The following TNFSF10 variants were observed in gnomAD, a reference collection of about 807,000 sequenced individuals.
TNFSF10 encodes the protein TNF superfamily member 10, also known as tumor necrosis factor ligand superfamily member 10.
A neutral mutation model predicts 29.5 loss-of-function variants in TNFSF10; 13 were observed. That is an observed-to-expected ratio of 0.44 (90% confidence interval 0.29 to 0.70). The LOEUF is 0.70. TNFSF10 is among the 30% of genes least tolerant of loss of function. The pLI is 0.13. For missense variants in TNFSF10, 345 were observed against 330.9 expected, an observed-to-expected ratio of 1.04 and a Z score of -0.33; for synonymous variants, 111 against 112.8, an observed-to-expected ratio of 0.98 and a Z score of 0.10.
At chr3:172,520,500 C>G (rs1212277927) in intron 1 of TNFSF10, among the ~76,000 whole-genome samples, 3 of 152,234 alleles carry the variant, frequency 2.0e-5, no homozygotes, top group Admixed American at 2.0e-4. Flanking sequence ...TTCACCAGGA[C>G]TAGCTACATC....
rs1350274257 is a variant in TNFSF10, at chr3:172,514,842, A to G, written c.270+19T>C. 1 of 1,613,410 alleles carries G rather than the reference A, an allele frequency of 6.2e-7. No individual in the cohort carries two copies. Among genetic ancestry groups the G allele is most frequent in the Non-Finnish European group, 8.5e-7 (1 of 1,179,768 alleles). On this transcript the variant is annotated intron_variant, in intron 2 of 4. Transcript: ENST00000241261. ...GCCTTCTCCGCCTGCTGGTGAGGTCACCTGGTGAGGTTACCTACCTTTCTA... is the reference window on the plus strand; with the variant it reads ...GCCTTCTCCGCCTGCTGGTGAGGTCGCCTGGTGAGGTTACCTACCTTTCTA...
intron 1 of TNFSF10, among the ~76,000 whole-genome samples, chr3:172,516,263 C>CAAA (rs34276385): frequency 2.9e-4 from 36 of 124,444 alleles, no homozygotes; most frequent in African/African-American, 8.8e-4. Context: ...GACTCCATCT[C>CAAA]AAAAAAAAAA....
rs968385283 is a variant in TNFSF10, at chr3:172,516,433, T to C, written c.133-1435A>G. Among the ~76,000 whole-genome samples, 8 of 152,154 alleles carry C rather than the reference T, an allele frequency of 5.3e-5. No individual in the cohort carries two copies. In the East Asian group the frequency reaches 9.6e-4, roughly 18 times the overall value. On this transcript the variant is annotated intron_variant, in intron 1 of 4. Transcript: ENST00000241261. ...GACAATATCATTTTAAATCAAAATA[T>C]CTTAACTGTTTATGAGAGGTCCCAG... is the stretch of plus-strand genomic sequence containing the variant.
chr3:172,506,498 A>C lies in TNFSF10; in HGVS notation c.840T>G (p.Val280=). The C allele has an allele frequency of 1.2e-6, 2 of 1,601,732 alleles. No individual in the cohort carries two copies. Among genetic ancestry groups the C allele is most frequent in the Non-Finnish European group, 1.7e-6 (2 of 1,175,752 alleles). The change falls in exon 5 of 5, where the codon GTT becomes GTG. Residue 280 remains valine (V), a synonymous_variant. Transcript: ENST00000241261. The stretch of plus-strand genomic sequence containing the variant: ...CTTTTTCTTTCCAGGTCAGTTAGCC[A>C]ACTAAAAAGGCCCCAAAAAAACTGG... ...HEASFFGAFL[V]G is the part of the protein sequence containing the mutation.
intron 4 of TNFSF10, among the ~76,000 whole-genome samples, chr3:172,508,933 G>A (rs1713108720): frequency 7.5e-6 from 1 of 132,684 alleles, no homozygotes; most frequent in Non-Finnish European, 1.6e-5. Context: ...GAAAGAAAGA[G>A]CGAGAAATTA....
rs764291357 is a variant in TNFSF10 at position 172,523,300 on chromosome 3, G to C, written c.85C>G (p.Leu29Val). The change falls in exon 1 of 5, where the codon CTC becomes GTC. Residue 29 changes from leucine to valine, a missense_variant. Transcript: ENST00000241261. Reference sequence around the variant, plus strand: ...TACACGTAAGTTACAGCCACACAGAGAGACTGCAGGAGCACTGTGAAGATC... The same window carrying C: ...TACACGTAAGTTACAGCCACACAGACAGACTGCAGGAGCACTGTGAAGATC... ...IVIFTVLLQSLCVAVTYVYFT... is the reference protein window; with the variant it reads ...IVIFTVLLQSVCVAVTYVYFT... 70 of 1,613,964 alleles carry C rather than the reference G, an allele frequency of 4.3e-5. No individual in the cohort carries two copies. The highest frequency in any genetic ancestry group is 5.7e-5 in the Non-Finnish European group (67 of 1,179,938).
At chr3:172,515,910 T>C (rs1390542113) in intron 1 of TNFSF10, among the ~76,000 whole-genome samples, 4 of 152,190 alleles carry the variant, frequency 2.6e-5, no homozygotes, top group South Asian at 2.1e-4. Flanking sequence ...TCATTTCTTC[T>C]CTTCCGTTTT....
intron 4 of TNFSF10, 40 bp downstream of exon 4, chr3:172,509,177 A>G: frequency 3.3e-6 from 5 of 1,538,030 alleles, no homozygotes; most frequent in African/African-American, 1.4e-5. Flanking sequence ...CAATCCTTCC[A>G]TTATTTTCCC....
Position 172,506,314 on chromosome 3 carries a change from C to G in TNFSF10, c.*178G>C. 1 of 621,632 alleles carries G rather than the reference C, an allele frequency of 1.6e-6. No homozygotes were observed. The highest frequency in any genetic ancestry group is 2.6e-5 in the South Asian group (1 of 38,412). The allele number at this position is 621,632 out of a possible 1,614,324, so 38.5% of individuals were successfully genotyped here. Reference sequence around the variant, plus strand: ...TGGGATAAGTGAGTCACTTTCAGAACAGTGTGTGTTGTAGAATTTTTTGGT... The same window carrying G: ...TGGGATAAGTGAGTCACTTTCAGAAGAGTGTGTGTTGTAGAATTTTTTGGT... On this transcript the variant is annotated 3_prime_UTR_variant, in exon 5 of 5. Transcript: ENST00000241261.
intron 1 of TNFSF10, chr3:172,517,348 G>A (rs1176868297): frequency 1.0e-6 from 1 of 985,282 alleles, no homozygotes; most frequent in East Asian, 1.1e-4. Flanking sequence ...TCAGGAGGAG[G>A]TGGAAGGAAC....
intron 1 of TNFSF10, chr3:172,518,492 T>C (rs752196152): frequency 1.1e-5 from 14 of 1,280,808 alleles, no homozygotes; most frequent in Non-Finnish European, 1.4e-5. Flanking sequence ...GGATCATTTA[T>C]GGAGATCCGT....
At chr3:172,512,079 C>T (rs576562367) in intron 2 of TNFSF10, among the ~76,000 whole-genome samples, 128 of 152,208 alleles carry the variant, frequency 8.4e-4, no homozygotes, top group African/African-American at 2.9e-3. Flanking sequence ...CACTGGGTAG[C>T]AGAGCCCAGG....
intron 3 of TNFSF10, among the ~76,000 whole-genome samples, chr3:172,510,850 A>G (rs1473581925): frequency 6.6e-6 from 1 of 152,310 alleles, no homozygotes; most frequent in East Asian, 1.9e-4. Context: ...GTGCCAAGTG[A>G]TGAAGAAGTT....
intron 2 of TNFSF10, among the ~76,000 whole-genome samples, chr3:172,513,445 C>T (rs1319465378): frequency 1.3e-5 from 2 of 152,238 alleles, no homozygotes; most frequent in Non-Finnish European, 2.9e-5. Flanking sequence ...TAGCTGCTTC[C>T]GTACAGCTTG....
chr3:172,514,082 G>C (rs946140246), intron 2 of TNFSF10, among the ~76,000 whole-genome samples: 1 of 151,956 alleles, frequency 6.6e-6, no homozygotes, highest in African/African-American at 2.4e-5. Context: ...CAGGTGATCC[G>C]CCTGCCTCAG....
At chr3:172,510,440 T>C (rs1456274871) in intron 3 of TNFSF10, among the ~76,000 whole-genome samples, 1 of 152,052 alleles carries the variant, frequency 6.6e-6, no homozygotes, top group Admixed American at 6.6e-5. Context: ...GGGCAACAGA[T>C]TTGTTAAGGT....
At chr3:172,517,046 G>C (rs1168554996) in intron 1 of TNFSF10, among the ~76,000 whole-genome samples, 4 of 152,348 alleles carry the variant, frequency 2.6e-5, no homozygotes, top group South Asian at 2.1e-4. Flanking sequence ...GGGCAAGAAG[G>C]TGTGCATAAC....
intron 3 of TNFSF10, 24 bp from the exon 4 acceptor site, chr3:172,509,345 C>T: frequency 6.3e-7 from 1 of 1,594,812 alleles, no homozygotes; most frequent in East Asian, 2.2e-5. Context: ...GATAAAGGGT[C>T]ATCAACACTT....
chr3:172,518,075 C>T (rs1713514942), intron 1 of TNFSF10: 1 of 1,006,288 alleles, frequency 9.9e-7, no homozygotes, highest in Non-Finnish European at 1.2e-6. Flanking sequence ...CGATACGTCT[C>T]CCCCGCCTCC....
Sources: allele counts gnomAD v4.1 joint callset (sites outside exome capture counted in the v4.1 genomes callset), GRCh38; gene constraint gnomAD v4.1.1; transcripts MANE v1.5; gene names NCBI Gene and HGNC (gene_info 2026-07-23, HGNC 2026-07-21).